MYO3A: variants seen among roughly 807,000 people sequenced by gnomAD.
MYO3A encodes myosin-IIIa.
MYO3A carries 180 observed loss-of-function variants against 192.7 expected under a neutral mutation model. The observed-to-expected ratio is 0.93, with a 90% confidence interval of 0.83 to 1.06. MYO3A has a LOEUF of 1.06. Among genes scored for constraint, MYO3A ranks in the 50% least tolerant of loss-of-function variants. The pLI is 0.00. For missense variants in MYO3A, 1,896 were observed against 1,905.0 expected (o/e 1.00, Z 0.09); for synonymous variants, 628 against 645.3 (o/e 0.97, Z 0.41).
At chr10:26,057,557 C>T (rs1215091698) in intron 10 of MYO3A, among the ~76,000 whole-genome samples, 1 of 152,174 alleles carries the variant, frequency 6.6e-6, no homozygotes, top group East Asian at 1.9e-4. Flanking sequence ...GAAATGTAGA[C>T]ATTTTTGGAC....
chr10:26,009,065 A>AT (rs1463162496), intron 6 of MYO3A, among the ~76,000 whole-genome samples: 1 of 152,100 alleles, frequency 6.6e-6, no homozygotes, highest in African/African-American at 2.4e-5. Flanking sequence ...GGATGAGTTC[A>AT]TGTCCTTTTT....
intron 31 of MYO3A, among the ~76,000 whole-genome samples, chr10:26,187,224 C>T (rs760071567): frequency 7.9e-5 from 12 of 151,674 alleles, no homozygotes; most frequent in Non-Finnish European, 1.2e-4. Context: ...CTAGAGACTT[C>T]GAGTTCCACT....
At chr10:25,936,611 G>T (rs1836084309) in intron 2 of MYO3A, among the ~76,000 whole-genome samples, 1 of 152,118 alleles carries the variant, frequency 6.6e-6, no homozygotes, top group Non-Finnish European at 1.5e-5. Flanking sequence ...CTTTCAAATT[G>T]ATACACAGAC....
At chr10:26,066,412 C>T (rs12569363) in intron 10 of MYO3A, among the ~76,000 whole-genome samples, 72,178 of 151,926 alleles carry the variant, frequency 0.48, 17,936 homozygotes, top group Middle Eastern at 0.59. Flanking sequence ...GCAACTTCTC[C>T]TTTGTGTTAA....
In MYO3A at chr10:26,110,822, G is replaced by C. The variant is rs148759699; in HGVS notation, c.1777-9854G>C. Among the ~76,000 whole-genome samples, 43 of 151,778 alleles carry C rather than the reference G, an allele frequency of 2.8e-4. No homozygotes were observed. The East Asian group carries it at 7.8e-3, about 27-fold the overall frequency. On this transcript the variant is annotated intron_variant, in intron 17 of 34. Transcript: ENST00000642920. ...CTGAACTGTAGGACCTGGAGTCAGA[G>C]ATGACCCTGATATATTTCTGGAAAA...
At chr10:26,197,073 G>A (rs980016148) in intron 32 of MYO3A, among the ~76,000 whole-genome samples, 2 of 152,182 alleles carry the variant, frequency 1.3e-5, no homozygotes, top group African/African-American at 4.8e-5. Flanking sequence ...AGGTCCCGCT[G>A]CGCACCACAC....
At chr10:25,983,012 A>T (rs1335205801) in intron 4 of MYO3A, among the ~76,000 whole-genome samples, 1 of 152,196 alleles carries the variant, frequency 6.6e-6, no homozygotes, top group African/African-American at 2.4e-5. Context: ...GGCACCAGAG[A>T]TAGGTGGAGT....
intron 2 of MYO3A, 56 bp from the exon 3 acceptor site, chr10:25,952,038 T>A: frequency 1.5e-6 from 2 of 1,326,006 alleles, no homozygotes; most frequent in Non-Finnish European, 2.2e-6. Context: ...TGGGTTTGTG[T>A]GTGCCATTTG....
At chr10:25,968,408 A>T (rs112511232) in intron 4 of MYO3A, among the ~76,000 whole-genome samples, 8,222 of 152,336 alleles carry the variant, frequency 0.054, 272 homozygotes, top group African/African-American at 0.077. Context: ...ATGTCAAAGA[A>T]CATTTTTTAG....
intron 4 of MYO3A, among the ~76,000 whole-genome samples, chr10:25,971,802 A>G (rs1838664952): frequency 6.6e-6 from 1 of 151,918 alleles, no homozygotes; most frequent in Non-Finnish European, 1.5e-5. Context: ...CCTTTTTACT[A>G]TTGTGTGACT....
chr10:26,145,682 C>G, intron 22 of MYO3A, 148 bp downstream of exon 22: 1 of 734,214 alleles, frequency 1.4e-6, no homozygotes, highest in South Asian at 1.6e-5. Flanking sequence ...TAATTATGCC[C>G]TCTGATGTCC....
chr10:26,018,597 T>C (rs1288227054), intron 7 of MYO3A, among the ~76,000 whole-genome samples: 1 of 152,152 alleles, frequency 6.6e-6, no homozygotes, highest in African/African-American at 2.4e-5. Context: ...AAAAGTAGCA[T>C]TTGCTGGTTA....
intron 20 of MYO3A, among the ~76,000 whole-genome samples, chr10:26,135,216 A>T (rs1839776675): frequency 6.6e-6 from 1 of 152,180 alleles, no homozygotes; most frequent in South Asian, 2.1e-4. Context: ...AAGAACAGGG[A>T]TCTAGTAAAG....
chr10:26,124,062 G>A (rs1007340531), intron 18 of MYO3A, among the ~76,000 whole-genome samples: 2 of 151,848 alleles, frequency 1.3e-5, no homozygotes, highest in African/African-American at 2.4e-5. Context: ...GTTGTCATGC[G>A]CCTGTGGTCC....
chr10:25,980,236 CAAA>C (rs777578393), intron 4 of MYO3A, among the ~76,000 whole-genome samples: 1 of 68,030 alleles, frequency 1.5e-5, no homozygotes, highest in Non-Finnish European at 3.0e-5. Flanking sequence ...GACTCCGTCT[CAAA>C]AAAAAAAAAA....
intron 14 of MYO3A, among the ~76,000 whole-genome samples, chr10:26,079,670 CAA>C (rs1835800389): frequency 6.6e-6 from 1 of 152,140 alleles, no homozygotes; most frequent in Non-Finnish European, 1.5e-5. Flanking sequence ...GGATTCATTT[CAA>C]GATTTAGAGC....
intron 17 of MYO3A, among the ~76,000 whole-genome samples, chr10:26,104,145 A>G (rs1837645276): frequency 6.6e-6 from 1 of 150,630 alleles, no homozygotes; most frequent in African/African-American, 2.4e-5. Context: ...TATTTGTTAT[A>G]TTTTCCCTTT....
At chr10:26,170,647 C>T (rs1842005862) in intron 29 of MYO3A, 108 bp downstream of exon 29, 2 of 1,211,380 alleles carry the variant, frequency 1.7e-6, no homozygotes, top group Non-Finnish European at 1.2e-6. Context: ...GTTCCTGATA[C>T]TGACACATCA....
At position 26,045,701 on chromosome 10, in the gene MYO3A, C is replaced by T. The variant is rs1032475843; in HGVS notation, c.953+19169C>T. On this transcript the variant is annotated intron_variant, in intron 10 of 34. Transcript: ENST00000642920. ...TTCCCCGGTCCTCCTTTCATCTGCT[C>T]CTTTTGCTCCCCAAGCAGGCCACAG... Among the ~76,000 whole-genome samples, 14 of 152,232 alleles carry T rather than the reference C, an allele frequency of 9.2e-5. No individual in the cohort carries two copies. In the South Asian group the frequency reaches 2.9e-3, roughly 32 times the overall value.
Sources: gnomAD v4.1 joint callset for allele counts (sites outside exome capture counted in the v4.1 genomes callset) on GRCh38, gnomAD v4.1.1 for gene constraint, MANE v1.5 for transcripts, NCBI Gene and HGNC (gene_info 2026-07-23, HGNC 2026-07-21) for gene names.